Variants in UBE4B observed in about 807,000 individuals in gnomAD.
The protein encoded by UBE4B is ubiquitin conjugation factor E4 B.
UBE4B carries 27 observed loss-of-function variants against 148.1 expected under a neutral mutation model. The ratio of observed to expected loss-of-function variants is 0.18; its 90% CI spans 0.13 to 0.25. UBE4B has a LOEUF of 0.25. UBE4B is among the 10% of genes least tolerant of loss of function. The pLI, the probability that UBE4B is intolerant of heterozygous loss-of-function variation, is 1.00. For synonymous variants in UBE4B, 596 were observed against 619.3 expected (o/e 0.96, Z 0.56); for missense variants, 1,170 against 1,662.4 (o/e 0.70, Z 5.15).
At chr1:10,059,642 G>C (rs747277362) in intron 1 of UBE4B, 9 of 169,712 alleles carry the variant, frequency 5.3e-5, no homozygotes, top group African/African-American at 7.1e-5. Context: ...TGGCTGCTTA[G>C]GGCAAGGCCG....
intron 2 of UBE4B, among the ~76,000 whole-genome samples, chr1:10,078,299 G>A (rs1283719123): frequency 1.3e-5 from 2 of 152,098 alleles, no homozygotes; most frequent in African/African-American, 2.4e-5. Flanking sequence ...GTGAGCCACC[G>A]TGCCTGGCTG....
At chr1:10,102,833 C>T (rs954909650) in intron 4 of UBE4B, 115 bp from the exon 5 acceptor site, 50 of 1,148,526 alleles carry the variant, frequency 4.4e-5, no homozygotes, top group Non-Finnish European at 5.3e-5. Flanking sequence ...TGGTTTCATG[C>T]ATTTTTAAAA....
At chr1:10,094,747 A>G (rs1644904807) in intron 2 of UBE4B, among the ~76,000 whole-genome samples, 1 of 152,024 alleles carries the variant, frequency 6.6e-6, no homozygotes, top group East Asian at 1.9e-4. Context: ...TTAACATTTT[A>G]TTATACTCGC....
Position 10,181,077 on chromosome 1 carries a change from TA to T in UBE4B, c.*1134del, listed in dbSNP as rs34197778. 62,761 of 145,166 alleles carry T rather than the reference TA, an allele frequency of 0.43. 13,823 individuals are homozygous for T. Among genetic ancestry groups the T allele is most frequent in the African/African-American group, 0.6 (23,898 of 39,932 alleles). The allele number at this position is 145,166 out of a possible 1,614,324, so 9.0% of individuals were successfully genotyped here. A position where few individuals can be genotyped will look rare whatever the true frequency, so the allele number is the denominator to read the frequency against. ...TTGAATTCTCAAATTTCCTTTGGGG[TA>T]AAAAAAAAAAAAGGATTTGAAACCA... On this transcript the variant is annotated 3_prime_UTR_variant, in exon 28 of 28. Transcript: ENST00000343090.
intron 21 of UBE4B, among the ~76,000 whole-genome samples, chr1:10,152,240 G>A (rs568191893): frequency 2.0e-5 from 3 of 148,436 alleles, no homozygotes; most frequent in Non-Finnish European, 3.0e-5. Context: ...GCCTGGGCAA[G>A]AGAACAAGAC....
At chr1:10,088,896 C>T (rs763077408) in intron 2 of UBE4B, among the ~76,000 whole-genome samples, 12 of 151,610 alleles carry the variant, frequency 7.9e-5, no homozygotes, top group Middle Eastern at 6.8e-3. Flanking sequence ...CCAGGTTGGT[C>T]TTAACCTCCT....
At chr1:10,078,808 G>A (rs1018415378) in intron 2 of UBE4B, among the ~76,000 whole-genome samples, 2 of 152,056 alleles carry the variant, frequency 1.3e-5, no homozygotes, top group South Asian at 2.1e-4. Context: ...AGGTCTGCCT[G>A]TATACTCTCT....
Position 10,033,313 on chromosome 1 carries a change from C to T in UBE4B, c.-358C>T, listed in dbSNP as rs141301368. On this transcript the variant is annotated 5_prime_UTR_variant, in exon 1 of 28. Coordinates refer to ENST00000343090, the MANE Select transcript of UBE4B (RefSeq NM_001105562.3). ...CCGCGCCACTATCACGAAGAAACAG[C>T]AGGCTCGGGGCACGAGACGAACTGG... 3,601 of 203,816 alleles carry T rather than the reference C, an allele frequency of 0.018. 43 individuals are homozygous for T. Among genetic ancestry groups the T allele is most frequent in the Non-Finnish European group, 0.026 (2,646 of 101,492 alleles). 12.6% of individuals were successfully genotyped at this position (203,816 alleles called of 1,614,324 possible).
chr1:10,137,274 A>G, intron 17 of UBE4B, 69 bp downstream of exon 17: 1 of 1,593,192 alleles, frequency 6.3e-7, no homozygotes, highest in South Asian at 1.1e-5. Flanking sequence ...AGGCAATTCC[A>G]TTGTGAACAG....
chr1:10,157,563 A>G (rs1234644071), intron 21 of UBE4B, among the ~76,000 whole-genome samples: 2 of 152,156 alleles, frequency 1.3e-5, no homozygotes, highest in African/African-American at 2.4e-5. Flanking sequence ...GTGGATCATG[A>G]GGCCAAGAGA....
intron 1 of UBE4B, among the ~76,000 whole-genome samples, chr1:10,067,380 CT>C (rs1035818822): frequency 1.4e-4 from 21 of 149,056 alleles, no homozygotes; most frequent in African/African-American, 2.5e-4. Flanking sequence ...GTTCTTTATA[CT>C]TTTTTTTTTC....
At chr1:10,090,710 A>G (rs560745619) in intron 2 of UBE4B, among the ~76,000 whole-genome samples, 2 of 152,084 alleles carry the variant, frequency 1.3e-5, no homozygotes, top group South Asian at 4.2e-4. Context: ...ATGAGCCACC[A>G]CACTTGACCT....
chr1:10,084,166 G>A (rs1186271195), intron 2 of UBE4B, among the ~76,000 whole-genome samples: 1 of 152,150 alleles, frequency 6.6e-6, no homozygotes, highest in African/African-American at 2.4e-5. Context: ...GTACTGCATG[G>A]CCTTTGTCAT....
intron 7 of UBE4B, among the ~76,000 whole-genome samples, chr1:10,116,212 G>A (rs185613834): frequency 9.9e-5 from 15 of 152,154 alleles, no homozygotes; most frequent in Middle Eastern, 3.4e-3. Context: ...GCATGATCTC[G>A]GATCACTGCA....
intron 15 of UBE4B, among the ~76,000 whole-genome samples, chr1:10,133,530 A>G (rs1645630236): frequency 6.6e-6 from 1 of 152,236 alleles, no homozygotes; most frequent in Non-Finnish European, 1.5e-5. Context: ...TTGCTAATGC[A>G]GGAGCATGCT....
At chr1:10,086,475 T>TG (rs1272016356) in intron 2 of UBE4B, among the ~76,000 whole-genome samples, 8 of 152,092 alleles carry the variant, frequency 5.3e-5, no homozygotes, top group Admixed American at 3.3e-4. Context: ...AAATGAGGTA[T>TG]GGGGGGACTC....
intron 8 of UBE4B, 22 bp downstream of exon 8, chr1:10,117,622 TAA>T (rs77011101): frequency 1.4e-4 from 172 of 1,207,266 alleles, no homozygotes; most frequent in Admixed American, 7.5e-4. Context: ...TGGATTAACT[TAA>T]AAAAAAAAAA....
At chr1:10,100,960 TTAAAAA>T (rs1645001159) in intron 3 of UBE4B, 142 bp from the exon 4 acceptor site, 1 of 665,554 alleles carries the variant, frequency 1.5e-6, no homozygotes, top group Non-Finnish European at 2.5e-6. Context: ...TGAAGAACTC[TTAAAAA>T]TTAATAAGAA....
rs768678091 is a variant in UBE4B, at chr1:10,171,118, A to C, written c.3334-20A>C. 6.2e-7 allele frequency: 1 copy of C among 1,610,160 alleles called. No individual in the cohort carries two copies. The highest frequency in any genetic ancestry group is 1.1e-5 in the South Asian group (1 of 90,560). ...TTGTCTCAACAGCATGAATTGTCCTATTATCCTGTGATTTCCTAGGAGCTT... is the reference window on the plus strand; with the variant it reads ...TTGTCTCAACAGCATGAATTGTCCTCTTATCCTGTGATTTCCTAGGAGCTT... On this transcript the variant is annotated intron_variant, in intron 24 of 27. Transcript: ENST00000343090.
Sources: gnomAD v4.1 joint callset for allele counts (sites outside exome capture counted in the v4.1 genomes callset) on GRCh38, gnomAD v4.1.1 for gene constraint, MANE v1.5 for transcripts, NCBI Gene and HGNC (gene_info 2026-07-23, HGNC 2026-07-21) for gene names.